DNAH5: variants seen among roughly 807,000 people sequenced by gnomAD.
The protein encoded by DNAH5 is axonemal beta dynein heavy chain 5.
Under a neutral mutation model 518.2 loss-of-function variants are expected in DNAH5, and 372 were observed. The ratio of observed to expected loss-of-function variants is 0.72; its 90% confidence interval spans 0.66 to 0.78. The LOEUF is 0.78. Ranked by LOEUF, DNAH5 falls within the 30% of genes least tolerant of loss-of-function variation. The pLI is 0.00. For synonymous variants in DNAH5, 2,039 were observed against 2,025.9 expected, an observed-to-expected ratio of 1.01 and a Z score of -0.17; for missense variants, 5,523 against 5,687.0, an observed-to-expected ratio of 0.97 and a Z score of 0.93.
At chr5:13,725,345 T>A (rs910610731) in intron 70 of DNAH5, among the ~76,000 whole-genome samples, 1 of 152,182 alleles carries the variant, frequency 6.6e-6, no homozygotes, top group African/African-American at 2.4e-5. Context: ...GCATGTGCAT[T>A]CTATGCAGAA....
intron 1 of DNAH5, among the ~76,000 whole-genome samples, chr5:13,987,839 C>CAA (rs397939421): frequency 2.3e-4 from 23 of 101,946 alleles, no homozygotes; most frequent in African/African-American, 5.8e-4. Flanking sequence ...GGGCAAGTCT[C>CAA]AAAAAAAAAA....
chr5:13,902,345 G>T (rs768098121), intron 12 of DNAH5, among the ~76,000 whole-genome samples: 1 of 152,288 alleles, frequency 6.6e-6, no homozygotes, highest in East Asian at 1.9e-4. Context: ...GGGAGTTGGC[G>T]CCACGTCAGG....
intron 21 of DNAH5, 42 bp from the exon 22 acceptor site, chr5:13,876,859 C>T (rs745681398): frequency 1.3e-6 from 2 of 1,590,772 alleles, no homozygotes; most frequent in African/African-American, 2.7e-5. Flanking sequence ...ACTACTCACA[C>T]AAGAATGTAC....
intron 61 of DNAH5, 87 bp downstream of exon 61, chr5:13,758,759 T>C (rs1751360399): frequency 1.3e-6 from 2 of 1,587,358 alleles, no homozygotes; most frequent in African/African-American, 2.7e-5. Flanking sequence ...ATGTATAAAT[T>C]CAGTGAAACC....
In DNAH5 at chr5:13,875,186, G is replaced by A. The variant is rs113920988; in HGVS notation, c.3396+1498C>T. ...GCAAATGCAATAAAAGTGACACAGA[G>A]GCCGGGCACGGTGGCTCACGACTGT... is the stretch of plus-strand genomic sequence containing the variant. On this transcript the variant is annotated intron_variant, in intron 22 of 78. Transcript: ENST00000265104. 9.2e-3 allele frequency among the ~76,000 whole-genome samples: 1,403 copies of A among 152,260 alleles called. 12 individuals are homozygous for A. Among genetic ancestry groups the A allele is most frequent in the Non-Finnish European group, 0.011 (779 of 68,008 alleles).
chr5:14,001,361 T>G (rs753082865), intron 1 of DNAH5, among the ~76,000 whole-genome samples: 7 of 152,088 alleles, frequency 4.6e-5, no homozygotes, highest in Admixed American at 2.0e-4. Context: ...TTTTGTTTTT[T>G]TTGTTGTTGT....
chr5:13,988,629 G>C (rs890657068), intron 1 of DNAH5, among the ~76,000 whole-genome samples: 1 of 151,476 alleles, frequency 6.6e-6, no homozygotes, highest in South Asian at 2.1e-4. Flanking sequence ...TATTGGCCAG[G>C]CTGGTCTCAA....
At chr5:13,793,774 C>T (rs762620687) in intron 48 of DNAH5, 46 bp from the exon 49 acceptor site, 5 of 1,594,266 alleles carry the variant, frequency 3.1e-6, no homozygotes, top group Non-Finnish European at 4.3e-6. Context: ...CCTTTCTATC[C>T]CCGGAGCCTA....
intron 1 of DNAH5, among the ~76,000 whole-genome samples, chr5:14,003,861 C>G (rs1034276161): frequency 6.6e-6 from 1 of 152,136 alleles, no homozygotes; most frequent in Non-Finnish European, 1.5e-5. Flanking sequence ...GAAGACACCA[C>G]ATGGAGCTGT....
At position 13,898,230 on chromosome 5, in the gene DNAH5, A is replaced by T. The variant is rs141913450; in HGVS notation, c.2259+1976T>A. The T allele has an allele frequency of 3.0e-3, 660 of 221,572 alleles. 6 individuals carry two copies. The highest frequency in any genetic ancestry group is 0.014 in the African/African-American group (621 of 44,354). The allele number at this position is 221,572 out of a possible 1,614,324, so 13.7% of individuals were successfully genotyped here. On this transcript the variant is annotated intron_variant, in intron 15 of 78. Coordinates refer to ENST00000265104, the MANE Select transcript of DNAH5 (RefSeq NM_001369.3). ...TTACCCATAAAGTCATGATATAATGATACGGTTATTGTAAACCCTACAACG... is the reference window on the plus strand; with the variant it reads ...TTACCCATAAAGTCATGATATAATGTTACGGTTATTGTAAACCCTACAACG...
At chr5:14,010,407 T>C (rs1785030785) in intron 1 of DNAH5, among the ~76,000 whole-genome samples, 1 of 152,168 alleles carries the variant, frequency 6.6e-6, no homozygotes, top group Admixed American at 6.5e-5. Flanking sequence ...TGAAAGCTAA[T>C]AGCCATGCTT....
At position 13,917,143 on chromosome 5, in the gene DNAH5, G is replaced by T. The variant is rs763797137; in HGVS notation, c.1089C>A (p.Pro363=). 4 of 1,608,428 alleles carry T rather than the reference G, an allele frequency of 2.5e-6. No individual in the cohort carries two copies. The highest frequency in any genetic ancestry group is 3.4e-6 in the Non-Finnish European group (4 of 1,175,100). Residue 363 remains proline, a splice_region_variant and synonymous_variant, in exon 8 of 79, where the codon CCC becomes CCA. Coordinates refer to ENST00000265104, the MANE Select transcript of DNAH5 (RefSeq NM_001369.3). ...KCCDPLYSSD[P]LSMMDAIPTL... is the part of the protein sequence containing the mutation. ...GAAAGAGTAGAAATCCTTAACTCACGGGATCACTGCTGTACAAAGGGTCAC... is the reference window on the plus strand; with the variant it reads ...GAAAGAGTAGAAATCCTTAACTCACTGGATCACTGCTGTACAAAGGGTCAC...
chr5:13,726,102 T>C (rs1357768965), intron 70 of DNAH5, among the ~76,000 whole-genome samples: 1 of 152,238 alleles, frequency 6.6e-6, no homozygotes, highest in African/African-American at 2.4e-5. Context: ...ATGCTGCCTA[T>C]GGGGAATGGG....
chr5:13,903,000 G>T (rs1287773344), intron 12 of DNAH5, among the ~76,000 whole-genome samples: 2 of 152,104 alleles, frequency 1.3e-5, no homozygotes, highest in African/African-American at 2.4e-5. Context: ...GAGAGAGAAG[G>T]AGCAGAATGC....
At chr5:13,983,286 C>A (rs569380275) in intron 1 of DNAH5, among the ~76,000 whole-genome samples, 17 of 152,288 alleles carry the variant, frequency 1.1e-4, no homozygotes, top group Non-Finnish European at 2.4e-4. Context: ...AGACAACACC[C>A]CACCCTGCTG....
rs1326463214 is a variant in DNAH5 at position 13,708,269 on chromosome 5, C to G, written c.13192G>C (p.Asp4398His). Residue 4398 changes from aspartate (D) to histidine (H), a missense_variant, in exon 76 of 79, where the codon GAC becomes CAC. This residue lies in a region of DNAH5 where 387 missense variants were observed against 430.0 expected (regional missense o/e 0.90). Transcript: ENST00000265104. The part of the protein sequence containing the change: ...PMNIFLRQEI[D>H]RMQRVLSLVR... ...AGGCTGAGTACCCTTTGCATTCTGTCTATTTCCTGCCTGAGGAAAATGTTC... is the reference window on the plus strand; with the variant it reads ...AGGCTGAGTACCCTTTGCATTCTGTGTATTTCCTGCCTGAGGAAAATGTTC... The G allele has an allele frequency of 1.6e-5, 26 of 1,614,144 alleles. No homozygotes were observed. The highest frequency in any genetic ancestry group is 2.2e-5 in the Non-Finnish European group (26 of 1,180,008).
At chr5:13,987,852 A>C (rs1783167613) in intron 1 of DNAH5, among the ~76,000 whole-genome samples, 2 of 151,984 alleles carry the variant, frequency 1.3e-5, no homozygotes. Flanking sequence ...AAAAAAAAAA[A>C]ACAATTTAAT....
At chr5:13,904,101 C>A (rs952932952) in intron 12 of DNAH5, among the ~76,000 whole-genome samples, 9 of 151,076 alleles carry the variant, frequency 6.0e-5, no homozygotes, top group Non-Finnish European at 1.0e-4. Context: ...ATGCTAAAAC[C>A]ACTAAAAATA....
intron 1 of DNAH5, among the ~76,000 whole-genome samples, chr5:13,973,785 C>G (rs1353072878): frequency 6.6e-6 from 1 of 151,824 alleles, no homozygotes; most frequent in Middle Eastern, 3.2e-3. Flanking sequence ...ACAGAAGGCT[C>G]TCGTGTGCGA....
Sources: allele counts gnomAD v4.1 joint callset (sites outside exome capture counted in the v4.1 genomes callset), GRCh38; gene constraint gnomAD v4.1.1; regional missense constraint gnomAD v4.1.1; transcripts MANE v1.5; gene names NCBI Gene and HGNC (gene_info 2026-07-23, HGNC 2026-07-21).